The following PCBP2 variants were observed in gnomAD, a reference collection of about 807,000 sequenced individuals.
PCBP2 encodes the protein poly(rC)-binding protein 2.
In PCBP2, 4 loss-of-function variants were observed where a neutral mutation model predicts 50.1. The ratio of observed to expected loss-of-function variants is 0.08; its 90% CI spans 0.04 to 0.18. The LOEUF (loss-of-function observed/expected upper bound fraction) is 0.18, where lower values mean the gene tolerates loss of function less well. PCBP2 is among the 10% of genes least tolerant of loss of function. PCBP2 has a pLI of 1.00. For synonymous variants in PCBP2, 179 were observed against 168.0 expected (o/e 1.07, Z -0.51); for missense variants, 161 against 474.3 (o/e 0.34, Z 6.14).
In PCBP2 at chr12:53,461,116, C is replaced by T; in HGVS notation, c.477C>T (p.Val159=). 6.2e-7 allele frequency: 1 copy of T among 1,614,066 alleles called. No homozygotes were observed. The highest frequency in any genetic ancestry group is 1.7e-5 in the Admixed American group (1 of 60,022). Residue 159 remains valine, a synonymous_variant, in exon 7 of 15, where the codon GTC becomes GTT. Coordinates refer to ENST00000546463, the MANE Select transcript of PCBP2 (RefSeq NM_031989.5). ...TTCCACAATCCATCATTGAGTGTGT[C>T]AAACAGATCTGCGTGGTCATGTTGG... The part of the protein sequence containing the change: ...AGIPQSIIEC[V]KQICVVMLES...
intron 14 of PCBP2, 107 bp downstream of exon 14, chr12:53,471,914 T>G: frequency 1.2e-6 from 1 of 835,430 alleles, no homozygotes; most frequent in African/African-American, 1.8e-5. Context: ...TGGGTAAAGA[T>G]GGCCAAAAGG....
intron 14 of PCBP2, 84 bp from the exon 15 acceptor site, chr12:53,479,322 C>A: frequency 8.3e-7 from 1 of 1,199,408 alleles, no homozygotes; most frequent in Non-Finnish European, 1.2e-6. Flanking sequence ...TGGTTATTTA[C>A]TCTTCACATT....
At position 53,460,931 on chromosome 12, in the gene PCBP2, T is replaced by G. The variant is rs535714705; in HGVS notation, c.376-84T>G. The G allele has an allele frequency of 9.5e-5, 138 of 1,454,828 alleles. No individual in the cohort carries two copies. In the African/African-American group the frequency reaches 1.8e-3, roughly 19 times the overall value. The allele number at this position is 1,454,828 out of a possible 1,614,324, so 90.1% of individuals were successfully genotyped here. ...GGAAATGGATAAATATCTACTAGAG[T>G]TTTAGGCTCTGAAATTGCTGCTGGA... is the stretch of plus-strand genomic sequence containing the variant. On this transcript the variant is annotated intron_variant, in intron 6 of 14. Coordinates refer to ENST00000546463, the MANE Select transcript of PCBP2 (RefSeq NM_031989.5).
intron 7 of PCBP2, 85 bp downstream of exon 7, chr12:53,461,228 TAAGTG>T: frequency 6.8e-7 from 1 of 1,465,184 alleles, no homozygotes; most frequent in Non-Finnish European, 9.3e-7. Flanking sequence ...AGACTAGAAT[TAAGTG>T]AGGCTGTTAA....
Position 53,454,770 on chromosome 12 carries a change from C to T in PCBP2, c.-31C>T. 1.9e-6 allele frequency: 3 copies of T among 1,606,220 alleles called. No individual in the cohort carries two copies. The South Asian group carries it at 3.3e-5, about 18-fold the overall frequency. ...ACCAGTGACCAAAGACTTGACCACTCAAAGTCCAGCTCCCCAGAACACTGC... is the reference window on the plus strand; with the variant it reads ...ACCAGTGACCAAAGACTTGACCACTTAAAGTCCAGCTCCCCAGAACACTGC... On this transcript the variant is annotated 5_prime_UTR_variant, in exon 2 of 15. Coordinates refer to ENST00000546463, the MANE Select transcript of PCBP2 (RefSeq NM_031989.5).
chr12:53,480,682 TAA>T lies in PCBP2; in HGVS notation c.*1242_*1243del, dbSNP rs1942991440. On this transcript the variant is annotated 3_prime_UTR_variant, in exon 15 of 15. Transcript: ENST00000546463. ...TAAGACAGGGCTTGGGCAGAGAAGA[TAA>T]ATGGTGGGACAAAAAAATGAGTTAC... is the stretch of plus-strand genomic sequence containing the variant. 1 of 152,288 alleles carries T rather than the reference TAA, an allele frequency of 6.6e-6. No individual in the cohort carries two copies. The highest frequency in any genetic ancestry group is 1.5e-5 in the Non-Finnish European group (1 of 67,980). 9.4% of individuals were successfully genotyped at this position (152,288 alleles called of 1,614,324 possible).
chr12:53,460,992 T>C, intron 6 of PCBP2, 23 bp from the exon 7 acceptor site: 1 of 1,611,646 alleles, frequency 6.2e-7, no homozygotes, highest in Non-Finnish European at 8.5e-7. Context: ...TTCTCTGATT[T>C]TGAATTTCTT....
chr12:53,472,499 A>G (rs1028893002), intron 14 of PCBP2, among the ~76,000 whole-genome samples: 1 of 152,226 alleles, frequency 6.6e-6, no homozygotes, highest in Admixed American at 6.5e-5. Context: ...TCCTACAGTC[A>G]TTTATATTAC....
chr12:53,465,083 T>G, intron 9 of PCBP2: 2 of 386,202 alleles, frequency 5.2e-6, no homozygotes, highest in Non-Finnish European at 9.0e-6. Context: ...CAACCCCTCT[T>G]CCCCTCTCCC....
chr12:53,475,956 G>A (rs1363986757), intron 14 of PCBP2: 1 of 152,134 alleles, frequency 6.6e-6, no homozygotes, highest in Non-Finnish European at 1.5e-5. Context: ...TTACCATGAG[G>A]ATCTCTTCCA....
intron 5 of PCBP2, among the ~76,000 whole-genome samples, chr12:53,456,458 A>C (rs923595857): frequency 7.0e-6 from 1 of 141,956 alleles, no homozygotes; most frequent in African/African-American, 2.6e-5. Flanking sequence ...ACTCTGTCTC[A>C]AAAAAAAAAA....
At chr12:53,465,198 A>ACTCCTTCCATCCC (rs1019781689) in intron 9 of PCBP2, 1 of 204,412 alleles carries the variant, frequency 4.9e-6, no homozygotes, top group African/African-American at 2.3e-5. Context: ...TTAACCAGCC[A>ACTCCTTCCATCCC]CTCCTTCCAT....
intron 5 of PCBP2, 173 bp downstream of exon 5, chr12:53,456,174 G>C (rs1940993341): frequency 1.6e-6 from 1 of 613,706 alleles, no homozygotes; most frequent in African/African-American, 1.9e-5. Context: ...GTTTAAAAAA[G>C]AGTCACTTGA....
At chr12:53,479,078 G>A (rs2137149004) in intron 14 of PCBP2, among the ~76,000 whole-genome samples, 1 of 152,238 alleles carries the variant, frequency 6.6e-6, no homozygotes, top group Middle Eastern at 3.4e-3. Context: ...CATTGCTTCT[G>A]TGTATTGTGA....
At chr12:53,470,457 C>T (rs902766943) in intron 13 of PCBP2, among the ~76,000 whole-genome samples, 92 of 148,536 alleles carry the variant, frequency 6.2e-4, no homozygotes, top group African/African-American at 2.2e-3. Flanking sequence ...CAGGCTGGAG[C>T]AGAGAGGCAT....
Position 53,477,849 on chromosome 12 carries a change from C to T in PCBP2, c.1053-1557C>T, listed in dbSNP as rs530398322. ...GGAAGGGATACAGATGGTGAATTAC[C>T]AATCATGTTTTCATGACCACATATC... is the stretch of plus-strand genomic sequence containing the variant. On this transcript the variant is annotated intron_variant, in intron 14 of 14. Transcript: ENST00000546463. Among the ~76,000 whole-genome samples, 6 of 152,144 alleles carry T rather than the reference C, an allele frequency of 3.9e-5. No homozygotes were observed. In the East Asian group the frequency reaches 1.2e-3, roughly 29 times the overall value.
At chr12:53,466,580 T>G (rs1453603900) in intron 10 of PCBP2, among the ~76,000 whole-genome samples, 1 of 152,240 alleles carries the variant, frequency 6.6e-6, no homozygotes, top group East Asian at 1.9e-4. Context: ...TTTCAGGTGC[T>G]GAGCATTATT....
chr12:53,466,056 A>G lies in PCBP2; in HGVS notation c.714+83A>G, dbSNP rs1941798615. On this transcript the variant is annotated intron_variant, in intron 10 of 14. Transcript: ENST00000546463. The stretch of plus-strand genomic sequence containing the variant: ...TCACTCCTCTCTCCCAAGTAGCCAG[A>G]AGTGAGTTGGGTCTTCAGCATTTGC... The G allele has an allele frequency of 1.1e-5, 13 of 1,137,822 alleles. No individual in the cohort carries two copies. In the Admixed American group the frequency reaches 2.2e-4, roughly 19 times the overall value. 70.5% of individuals were successfully genotyped at this position (1,137,822 alleles called of 1,614,324 possible).
chr12:53,470,348 G>T (rs1206204196), intron 13 of PCBP2, among the ~76,000 whole-genome samples: 2 of 129,064 alleles, frequency 1.5e-5, no homozygotes, highest in Non-Finnish European at 3.1e-5. Flanking sequence ...CTGCACTCCA[G>T]CCTGGGCAAC....
Sources: allele counts gnomAD v4.1 joint callset (sites outside exome capture counted in the v4.1 genomes callset), GRCh38; gene constraint gnomAD v4.1.1; transcripts MANE v1.5; gene names NCBI Gene and HGNC (gene_info 2026-07-23, HGNC 2026-07-21).